Variants in ZFYVE28 observed in about 807,000 individuals in gnomAD.
The protein encoded by ZFYVE28 is zinc finger FYVE-type containing 28, also known as lateral signaling target protein 2 homolog.
Under a neutral mutation model 82.1 loss-of-function variants are expected in ZFYVE28, and 40 were observed. That is an observed-to-expected ratio of 0.49 (90% CI 0.38 to 0.63). The LOEUF is 0.63. Among genes scored for constraint, ZFYVE28 ranks in the 30% least tolerant of loss-of-function variants. ZFYVE28 has a pLI of 0.00. For synonymous variants in ZFYVE28, 612 were observed against 546.1 expected, an observed-to-expected ratio of 1.12 and a Z score of -1.68; for missense variants, 1,321 against 1,242.1, an observed-to-expected ratio of 1.06 and a Z score of -0.96.
chr4:2,274,069 G>T lies in ZFYVE28; in HGVS notation c.2199C>A (p.Cys733Ter). 6.2e-7 allele frequency: 1 copy of T among 1,614,064 alleles called. No homozygotes were observed. The highest frequency in any genetic ancestry group is 8.5e-7 in the Non-Finnish European group (1 of 1,179,992). The change falls in exon 9 of 13, where the codon TGC becomes TGA. Residue 733 changes from cysteine (C) to a stop codon, truncating the protein, a stop_gained. Transcript: ENST00000290974. LOFTEE classifies it high-confidence loss of function. ...CAGGCCCTGACATGACACCTGAAAT[G>T]CAGACGAACAGGCGGTGGATGAGGT... ...SHDLIHRLFV[C>*]ISGVADQLQT...
At chr4:2,383,249 A>T (rs1728909853) in intron 1 of ZFYVE28, among the ~76,000 whole-genome samples, 1 of 151,862 alleles carries the variant, frequency 6.6e-6, no homozygotes. Context: ...TGTGGGAGGG[A>T]CCTGGTGGGA....
chr4:2,341,635 A>G lies in ZFYVE28; in HGVS notation c.181-20T>C, dbSNP rs1222362882. On this transcript the variant is annotated intron_variant, in intron 2 of 12. Coordinates refer to ENST00000290974, the MANE Select transcript of ZFYVE28 (RefSeq NM_020972.3). This position sits in a 1 kb window ranked among gnomAD's most constrained non-coding sequence, Gnocchi z 4.5. ...ATTGTCCTGAAACAGAAGACAGGAG[A>G]AAGTGCGCCAATCGCTGTGTCCAGC... 2 of 1,596,058 alleles carry G rather than the reference A, an allele frequency of 1.3e-6. No homozygotes were observed. The highest frequency in any genetic ancestry group is 1.7e-6 in the Non-Finnish European group (2 of 1,165,338).
intron 1 of ZFYVE28, among the ~76,000 whole-genome samples, chr4:2,383,391 A>G (rs1728924102): frequency 1.3e-5 from 2 of 152,148 alleles, no homozygotes. Context: ...ACCTCCACGC[A>G]GGAAGTGCCT....
intron 6 of ZFYVE28, among the ~76,000 whole-genome samples, chr4:2,325,968 A>G (rs770750107): frequency 6.6e-6 from 1 of 152,050 alleles, no homozygotes; most frequent in Non-Finnish European, 1.5e-5. Flanking sequence ...ATATTAACCC[A>G]TCAGATGTAT....
intron 6 of ZFYVE28, among the ~76,000 whole-genome samples, chr4:2,321,610 C>A (rs1221490500): frequency 3.3e-5 from 5 of 151,916 alleles, no homozygotes; most frequent in African/African-American, 1.2e-4. Context: ...ATTCAGGGGA[C>A]AATTACCCAA....
chr4:2,302,411 C>T (rs1013535624), intron 8 of ZFYVE28, among the ~76,000 whole-genome samples: 1 of 152,210 alleles, frequency 6.6e-6, no homozygotes, highest in Non-Finnish European at 1.5e-5. Flanking sequence ...AAATGGTGTC[C>T]AGTGGCCTTA....
intron 2 of ZFYVE28, among the ~76,000 whole-genome samples, chr4:2,353,726 G>A (rs982243135): frequency 2.6e-5 from 4 of 152,008 alleles, no homozygotes; most frequent in Non-Finnish European, 4.4e-5. Context: ...CAAGTGTCCC[G>A]TGCGGTTTCT....
chr4:2,282,143 T>C (rs1170817364), intron 8 of ZFYVE28, among the ~76,000 whole-genome samples: 2 of 152,210 alleles, frequency 1.3e-5, no homozygotes, highest in African/African-American at 4.8e-5. Context: ...TTCACCCGGA[T>C]GTCTAAAAGT....
chr4:2,310,225 G>C (rs1717284979), intron 7 of ZFYVE28, among the ~76,000 whole-genome samples: 1 of 151,990 alleles, frequency 6.6e-6, no homozygotes, highest in Admixed American at 6.6e-5. Context: ...TTTTTGTAGA[G>C]ATCAGGTCTT....
chr4:2,339,559 G>A lies in ZFYVE28; in HGVS notation c.415C>T (p.Arg139Trp), dbSNP rs1466783870. The change falls in exon 4 of 13, where the codon CGG becomes TGG. Residue 139 changes from arginine to tryptophan, a missense_variant. Arg to Trp is a moderately radical substitution (Grantham distance 101, BLOSUM62 -3). Coordinates refer to ENST00000290974, the MANE Select transcript of ZFYVE28 (RefSeq NM_020972.3). This position sits in a 1 kb window ranked among gnomAD's most constrained non-coding sequence, Gnocchi z 5.0. ...KELTRSLEDV[R>W]GALRDQALRD... is the part of the protein sequence containing the mutation. ...AGCGCCTGGTCACGGAGGGCGCCCCGCACGTCCTCCAGGCTGCGCGTCAGC... is the reference window on the plus strand; with the variant it reads ...AGCGCCTGGTCACGGAGGGCGCCCCACACGTCCTCCAGGCTGCGCGTCAGC... 4 of 1,612,980 alleles carry A rather than the reference G, an allele frequency of 2.5e-6. No individual in the cohort carries two copies. The highest frequency in any genetic ancestry group is 3.4e-6 in the Non-Finnish European group (4 of 1,179,718).
At chr4:2,308,665 GAAAGAAAGAA>G (rs1716991257) in intron 7 of ZFYVE28, among the ~76,000 whole-genome samples, 1 of 92,376 alleles carries the variant, frequency 1.1e-5, no homozygotes, top group African/African-American at 5.2e-5. Flanking sequence ...AAGAAAGAAA[GAAAGAAAGAA>G]AGAGAAAGAA....
At chr4:2,291,544 G>A (rs1302851852) in intron 8 of ZFYVE28, among the ~76,000 whole-genome samples, 2 of 152,192 alleles carry the variant, frequency 1.3e-5, no homozygotes, top group Non-Finnish European at 2.9e-5. Context: ...GAGTAGGGCC[G>A]GAAGTGGCCC....
At position 2,349,318 on chromosome 4, in the gene ZFYVE28, G is replaced by GC. The variant is rs1724015528; in HGVS notation, c.180+4614_180+4615insG. On this transcript the variant is annotated intron_variant, in intron 2 of 12. Transcript: ENST00000290974. ...CACTCATAGGTGGGAATTGAACAAT[G>GC]AGAACATATGGACACAGGAAGGGGA... Among the ~76,000 whole-genome samples, 5 of 140,998 alleles carry GC rather than the reference G, an allele frequency of 3.5e-5. No homozygotes were observed. The South Asian group carries it at 1.1e-3, about 31-fold the overall frequency. 92.5% of individuals were successfully genotyped at this position (140,998 alleles called of 152,430 possible). A position where few individuals can be genotyped will look rare whatever the true frequency, so the allele number is the denominator to read the frequency against.
chr4:2,360,824 C>T (rs1231168367), intron 1 of ZFYVE28, among the ~76,000 whole-genome samples: 1 of 152,212 alleles, frequency 6.6e-6, no homozygotes, highest in African/African-American at 2.4e-5. Context: ...CGGGGCTCAC[C>T]CTCAAGTGAG....
At chr4:2,389,631 G>C (rs1729620570) in intron 1 of ZFYVE28, among the ~76,000 whole-genome samples, 1 of 152,252 alleles carries the variant, frequency 6.6e-6, no homozygotes, top group Non-Finnish European at 1.5e-5. Flanking sequence ...GGCAATGACA[G>C]CCCTGCGTTG....
chr4:2,392,715 T>C (rs1220632160), intron 1 of ZFYVE28, among the ~76,000 whole-genome samples: 1 of 152,216 alleles, frequency 6.6e-6, no homozygotes, highest in East Asian at 1.9e-4. Flanking sequence ...TGTCACCCAA[T>C]TCTTCATGTA....
Position 2,277,405 on chromosome 4 carries a change from G to A in ZFYVE28, c.2052-3189C>T, listed in dbSNP as rs189226241. On this transcript the variant is annotated intron_variant, in intron 8 of 12. Coordinates refer to ENST00000290974, the MANE Select transcript of ZFYVE28 (RefSeq NM_020972.3). ...TGAGGCAGGAGAATTGCTTGAACCCGGGAGGCGGAGGTTGCACTGAGCTGA... is the reference window on the plus strand; with the variant it reads ...TGAGGCAGGAGAATTGCTTGAACCCAGGAGGCGGAGGTTGCACTGAGCTGA... Among the ~76,000 whole-genome samples the A allele has an allele frequency of 3.9e-3, 589 of 152,274 alleles. 5 individuals are homozygous for A. Among genetic ancestry groups the A allele is most frequent in the African/African-American group, 0.013 (556 of 41,564 alleles).
intron 7 of ZFYVE28, among the ~76,000 whole-genome samples, chr4:2,318,834 G>A (rs1261728193): frequency 6.6e-6 from 1 of 152,204 alleles, no homozygotes; most frequent in Non-Finnish European, 1.5e-5. Flanking sequence ...AAGCCTAGGA[G>A]TTCAAGACCA....
At position 2,327,035 on chromosome 4, in the gene ZFYVE28, A is replaced by C. The variant is rs2108843092; in HGVS notation, c.702-6764T>G. Among the ~76,000 whole-genome samples, 2 of 151,974 alleles carry C rather than the reference A, an allele frequency of 1.3e-5. 1 individual carries two copies. Among genetic ancestry groups the C allele is most frequent in the South Asian group, 4.2e-4 (2 of 4,818 alleles). ...GGGAGGCCGAGGCAGGTGGATCACC[A>C]GATCTGGAGTTCAAGACCAGCCTGG... On this transcript the variant is annotated intron_variant, in intron 6 of 12. Coordinates refer to ENST00000290974, the MANE Select transcript of ZFYVE28 (RefSeq NM_020972.3).
Sources: gnomAD v4.1 joint callset for allele counts (sites outside exome capture counted in the v4.1 genomes callset) on GRCh38, gnomAD v4.1.1 for gene constraint, Gnocchi (gnomAD v3.1) non-coding constraint, MANE v1.5 for transcripts, NCBI Gene and HGNC (gene_info 2026-07-23, HGNC 2026-07-21) for gene names.